Variants in MYH7B observed in about 807,000 individuals in gnomAD.
MYH7B encodes myosin-7B.
A neutral mutation model predicts 234.5 loss-of-function variants in MYH7B; 205 were observed. That is an observed-to-expected ratio of 0.87 (90% CI 0.78 to 0.98). The LOEUF (loss-of-function observed/expected upper bound fraction) is 0.98. Among genes scored for constraint, MYH7B ranks in the 50% least tolerant of loss-of-function variants. The probability of loss-of-function intolerance (pLI) is 0.00; values close to 1 mark genes in which losing one functional copy is unlikely to be tolerated. For missense variants in MYH7B, 2,652 were observed against 2,633.4 expected, an observed-to-expected ratio of 1.01 and a Z score of -0.15; for synonymous variants, 1,193 against 1,105.0, an observed-to-expected ratio of 1.08 and a Z score of -1.58.
At chr20:34,979,321 G>T (rs2081903780) in intron 5 of MYH7B, 69 bp from the exon 6 acceptor site, 4 of 1,251,322 alleles carry the variant, frequency 3.2e-6, no homozygotes, top group South Asian at 1.4e-5. Context: ...ACCATGGCTT[G>T]GGAACTCCAG....
chr20:34,996,620 G>T (rs1600466153), exon 30 of MYH7B: 1 of 1,610,944 alleles, frequency 6.2e-7, no homozygotes, highest in African/African-American at 1.3e-5. Flanking sequence ...CAGCTGGAAT[G>T]CTCCCTGGAG....
At chr20:34,995,883 C>T (rs760154452) in intron 28 of MYH7B, among the ~76,000 whole-genome samples, 6 of 152,252 alleles carry the variant, frequency 3.9e-5, no homozygotes, top group Non-Finnish European at 5.9e-5. Flanking sequence ...CCCTTGAGGG[C>T]AGGAACTCCA....
At chr20:34,969,613 C>T (rs962227945) in intron 2 of MYH7B, among the ~76,000 whole-genome samples, 12 of 150,700 alleles carry the variant, frequency 8.0e-5, no homozygotes, top group African/African-American at 9.8e-5. Context: ...GGCACGATCC[C>T]GGCTCACTGC....
chr20:34,966,402 A>G (rs1353432898), intron 2 of MYH7B, among the ~76,000 whole-genome samples: 1 of 152,246 alleles, frequency 6.6e-6, no homozygotes, highest in Non-Finnish European at 1.5e-5. Flanking sequence ...ATCCTATATG[A>G]TTTCATTTAT....
intron 19 of MYH7B, 32 bp downstream of exon 19, chr20:34,988,294 G>T (rs2082071280): frequency 6.3e-7 from 1 of 1,594,910 alleles, no homozygotes; most frequent in Admixed American, 1.7e-5. Context: ...CTTTGAGGAA[G>T]GGAGGGTGTG....
intron 2 of MYH7B, among the ~76,000 whole-genome samples, chr20:34,974,624 G>A (rs983678686): frequency 2.0e-5 from 3 of 152,116 alleles, no homozygotes; most frequent in African/African-American, 7.2e-5. Context: ...CTTGCTAGAG[G>A]TTCTGATTCT....
chr20:35,000,374 CAAG>C lies in MYH7B; in HGVS notation c.4871_4873del (p.Lys1624del), dbSNP rs558415770. ...GGGCCCGCAATGAGGCGCTGCGGCT[CAAG>C]AAGAAGATGGAGGGTGACCTCAACG... On this transcript the variant is annotated inframe_deletion, in exon 39 of 45. Coordinates refer to ENST00000262873, the Ensembl canonical transcript of MYH7B. The C allele has an allele frequency of 1.3e-4, 203 of 1,599,300 alleles. 1 individual carries two copies. Among genetic ancestry groups the C allele is most frequent in the African/African-American group, 8.1e-4 (61 of 75,036 alleles).
Position 34,987,364 on chromosome 20 carries a change from T to A in MYH7B, c.1147+77T>A. 5.1e-6 allele frequency: 8 copies of A among 1,571,440 alleles called. No homozygotes were observed. In the Admixed American group the frequency reaches 1.2e-4, roughly 24 times the overall value. On this transcript the variant is annotated intron_variant, in intron 16 of 44. Coordinates refer to ENST00000262873, the Ensembl canonical transcript of MYH7B. ...CCATGATGGTTAACCCCAACTCTTGTCCACAACCTTTAACCTCAGTCTTAC... is the reference window on the plus strand; with the variant it reads ...CCATGATGGTTAACCCCAACTCTTGACCACAACCTTTAACCTCAGTCTTAC...
chr20:34,992,814 C>A (rs1014657755), intron 24 of MYH7B, among the ~76,000 whole-genome samples: 1 of 152,200 alleles, frequency 6.6e-6, no homozygotes, highest in Non-Finnish European at 1.5e-5. Context: ...AAGCAATCCA[C>A]CCGCCTTGGC....
chr20:34,999,829 C>T (rs372152931), exon 38 of MYH7B: 7 of 1,611,848 alleles, frequency 4.3e-6, no homozygotes, highest in African/African-American at 2.7e-5. Flanking sequence ...CGCTGCGGAT[C>T]CAGCTGGAGC....
At chr20:34,982,191 G>C (rs1377158072) in intron 9 of MYH7B, among the ~76,000 whole-genome samples, 1 of 152,142 alleles carries the variant, frequency 6.6e-6, no homozygotes, top group Non-Finnish European at 1.5e-5. Flanking sequence ...CTGCCTTCCA[G>C]GGTTTTCTGA....
intron 13 of MYH7B, 35 bp from the exon 14 acceptor site, chr20:34,986,065 G>A: frequency 2.0e-6 from 3 of 1,528,712 alleles, no homozygotes; most frequent in African/African-American, 1.4e-5. Flanking sequence ...CTGGGGAGGT[G>A]TGGGAGATGG....
chr20:34,997,601 C>A, exon 32 of MYH7B: 1 of 1,613,532 alleles, frequency 6.2e-7, no homozygotes, highest in Non-Finnish European at 8.5e-7. Context: ...TGGAGGTGGA[C>A]GACCTGGCTG....
chr20:35,001,935 T>C lies in MYH7B; in HGVS notation c.5677-13T>C, dbSNP rs1164808099. ...TCACCCAAGCGGAACCAAGGCCCTG[T>C]GTGTGCCCCCAGGAGCAGCAGGCCA... On this transcript the variant is annotated splice_polypyrimidine_tract_variant and intron_variant, in intron 43 of 44. Coordinates refer to ENST00000262873, the Ensembl canonical transcript of MYH7B. The C allele has an allele frequency of 1.3e-5, 21 of 1,610,248 alleles. No individual in the cohort carries two copies. The highest frequency in any genetic ancestry group is 1.6e-5 in the Non-Finnish European group (19 of 1,177,940).
chr20:34,993,130 C>A, exon 25 of MYH7B: 1 of 1,613,908 alleles, frequency 6.2e-7, no homozygotes, highest in Non-Finnish European at 8.5e-7. Context: ...CAGTGCCATC[C>A]CGGATGACAC....
chr20:34,998,936 G>C, intron 35 of MYH7B, 21 bp downstream of exon 35: 2 of 1,606,606 alleles, frequency 1.2e-6, no homozygotes, highest in East Asian at 4.5e-5. Context: ...TGCTGGCCAG[G>C]CCACTGCCAT....
At chr20:34,965,743 G>A (rs1430410257) in intron 2 of MYH7B, among the ~76,000 whole-genome samples, 1 of 152,234 alleles carries the variant, frequency 6.6e-6, no homozygotes, top group African/African-American at 2.4e-5. Flanking sequence ...TTGAGTGGAG[G>A]CTCGAGAAGA....
At chr20:35,001,027 A>C (rs1398785797) in exon 41 of MYH7B, 12 of 1,613,736 alleles carry the variant, frequency 7.4e-6, no homozygotes, top group Middle Eastern at 1.7e-4. Flanking sequence ...GGAGCAGGAC[A>C]CAAGTGCACA....
chr20:34,983,184 C>T (rs1294971685), intron 10 of MYH7B, among the ~76,000 whole-genome samples: 2 of 152,158 alleles, frequency 1.3e-5, no homozygotes, highest in Non-Finnish European at 2.9e-5. Context: ...CCCACCCAGT[C>T]CCTGCTCCTG....
Sources: allele counts gnomAD v4.1 joint callset (sites outside exome capture counted in the v4.1 genomes callset), GRCh38; gene constraint gnomAD v4.1.1; transcripts MANE v1.5; gene names NCBI Gene and HGNC (gene_info 2026-07-23, HGNC 2026-07-21).